The following CSMD1 variants were observed in gnomAD, a reference collection of about 807,000 sequenced individuals.
CSMD1 encodes the protein CUB and sushi domain-containing protein 1.
A neutral mutation model predicts 417.5 loss-of-function variants in CSMD1; 213 were observed. The observed-to-expected ratio is 0.51, with a 90% CI of 0.46 to 0.57. CSMD1 has a LOEUF of 0.57. Among genes scored for constraint, CSMD1 ranks in the 20% least tolerant of loss-of-function variants. The pLI, the probability that CSMD1 is intolerant of heterozygous loss-of-function variation, is 0.00. For synonymous variants in CSMD1, 2,862 were observed against 1,736.8 expected, an observed-to-expected ratio of 1.65 and a Z score of -16.11; for missense variants, 6,923 against 4,529.7, an observed-to-expected ratio of 1.53 and a Z score of -15.17.
At chr8:4,200,865 T>C (rs894696952) in intron 3 of CSMD1, among the ~76,000 whole-genome samples, 6 of 151,650 alleles carry the variant, frequency 4.0e-5, no homozygotes, top group East Asian at 3.9e-4. Flanking sequence ...CTCAAAATAA[T>C]GATGATAATA....
chr8:3,657,260 A>T (rs1227656015), intron 7 of CSMD1, among the ~76,000 whole-genome samples: 1 of 152,216 alleles, frequency 6.6e-6, no homozygotes, highest in East Asian at 1.9e-4. Context: ...GCATTTCTAT[A>T]TGCCAACAGT....
intron 10 of CSMD1, among the ~76,000 whole-genome samples, chr8:3,509,355 G>A (rs892952789): frequency 1.3e-5 from 2 of 152,126 alleles, no homozygotes; most frequent in East Asian, 3.9e-4. Flanking sequence ...CTTTAGCCAA[G>A]TCAACTTTGT....
chr8:3,757,650 G>A (rs1397233375), intron 5 of CSMD1, among the ~76,000 whole-genome samples: 2 of 151,992 alleles, frequency 1.3e-5, no homozygotes, highest in African/African-American at 2.4e-5. Flanking sequence ...ATCACCTGAG[G>A]TCAAGAGTTC....
chr8:4,180,689 AGCTC>A (rs1458264800), intron 3 of CSMD1, among the ~76,000 whole-genome samples: 2 of 152,318 alleles, frequency 1.3e-5, no homozygotes, highest in East Asian at 1.9e-4. Context: ...AAGGCAAGGT[AGCTC>A]ACTGGTTGTC....
intron 1 of CSMD1, among the ~76,000 whole-genome samples, chr8:4,844,485 C>T (rs532919046): frequency 3.9e-4 from 59 of 152,048 alleles, no homozygotes; most frequent in Non-Finnish European, 5.7e-4. Context: ...TCATAACAGC[C>T]TCAATCAGCA....
chr8:4,518,620 G>GT (rs1054827687), intron 2 of CSMD1, among the ~76,000 whole-genome samples: 2 of 132,838 alleles, frequency 1.5e-5, no homozygotes, highest in Non-Finnish European at 3.2e-5. Flanking sequence ...CTGCTGTGGG[G>GT]TGGGGGGCGG....
intron 1 of CSMD1, among the ~76,000 whole-genome samples, chr8:4,834,494 G>A (rs888737731): frequency 5.3e-5 from 8 of 152,146 alleles, no homozygotes; most frequent in Non-Finnish European, 7.3e-5. Flanking sequence ...TGAAGTTCGA[G>A]CTGAGTTGTA....
At chr8:3,862,842 C>G (rs1804810416) in intron 5 of CSMD1, among the ~76,000 whole-genome samples, 1 of 152,170 alleles carries the variant, frequency 6.6e-6, no homozygotes, top group Non-Finnish European at 1.5e-5. Context: ...GGGCAGGTGT[C>G]AAAATCTCTT....
At chr8:3,151,961 C>T (rs1483048585) in intron 39 of CSMD1, among the ~76,000 whole-genome samples, 2 of 152,192 alleles carry the variant, frequency 1.3e-5, no homozygotes, top group Non-Finnish European at 2.9e-5. Flanking sequence ...TACCATTCCC[C>T]TCTTACACAT....
intron 1 of CSMD1, chr8:4,788,667 G>C (rs1440277014): frequency 6.6e-6 from 4 of 601,968 alleles, no homozygotes; most frequent in Admixed American, 6.2e-5. Context: ...AATATGAAAA[G>C]GTAATTATAA....
chr8:4,155,126 T>G (rs911321598), intron 3 of CSMD1, among the ~76,000 whole-genome samples: 1 of 152,214 alleles, frequency 6.6e-6, no homozygotes, highest in Non-Finnish European at 1.5e-5. Context: ...GCATGCACTA[T>G]TGTTCCCATG....
chr8:4,907,367 T>C (rs919617710), intron 1 of CSMD1, among the ~76,000 whole-genome samples: 3 of 152,176 alleles, frequency 2.0e-5, no homozygotes, highest in Non-Finnish European at 2.9e-5. Flanking sequence ...GGCTCCTAAA[T>C]GAGAAGGTCC....
intron 3 of CSMD1, among the ~76,000 whole-genome samples, chr8:4,410,168 G>A (rs750246358): frequency 1.3e-5 from 2 of 152,148 alleles, no homozygotes; most frequent in Non-Finnish European, 2.9e-5. Flanking sequence ...CCAAATGGAA[G>A]GAGAAATTAA....
At chr8:3,610,621 G>C (rs1801845150) in intron 8 of CSMD1, among the ~76,000 whole-genome samples, 1 of 152,112 alleles carries the variant, frequency 6.6e-6, no homozygotes, top group South Asian at 2.1e-4. Context: ...TAAGCTACCA[G>C]TATAGATGAC....
chr8:3,869,624 G>A (rs1016138346), intron 5 of CSMD1, among the ~76,000 whole-genome samples: 20 of 152,070 alleles, frequency 1.3e-4, no homozygotes, highest in African/African-American at 4.3e-4. Context: ...CTTTCTCACC[G>A]CTGAGCTAAC....
chr8:4,021,786 G>A lies in CSMD1; in HGVS notation c.610+10119C>T, dbSNP rs528977548. Reference sequence around the variant, plus strand: ...TTTATCTTGAGTGACAAATGAAGAAGCCATTTAGTGATAAAACTAAATTAA... The same window carrying A: ...TTTATCTTGAGTGACAAATGAAGAAACCATTTAGTGATAAAACTAAATTAA... On this transcript the variant is annotated intron_variant, in intron 4 of 69. Coordinates refer to ENST00000635120, the MANE Select transcript of CSMD1 (RefSeq NM_033225.6). Among the ~76,000 whole-genome samples, 6 of 152,216 alleles carry A rather than the reference G, an allele frequency of 3.9e-5. No individual in the cohort carries two copies. In the South Asian group the frequency reaches 6.2e-4, roughly 16 times the overall value.
At chr8:3,429,123 G>C (rs1482572852) in intron 12 of CSMD1, among the ~76,000 whole-genome samples, 1 of 152,142 alleles carries the variant, frequency 6.6e-6, no homozygotes. Flanking sequence ...CTATTGTACA[G>C]AAGGGTGATT....
At chr8:4,029,283 G>C (rs1009229712) in intron 4 of CSMD1, among the ~76,000 whole-genome samples, 2 of 152,158 alleles carry the variant, frequency 1.3e-5, no homozygotes, top group Middle Eastern at 3.2e-3. Context: ...ATAATAACAA[G>C]TTGCATTAGT....
chr8:4,857,103 T>C lies in CSMD1; in HGVS notation c.85+137229A>G, dbSNP rs181099897. On this transcript the variant is annotated intron_variant, in intron 1 of 69. Coordinates refer to ENST00000635120, the MANE Select transcript of CSMD1 (RefSeq NM_033225.6). ...AGTGCAATCAAACTAGAATTCAGGA[T>C]TAAGAATCTCACTCACAACCGCTCA... Among the ~76,000 whole-genome samples, 461 of 150,518 alleles carry C rather than the reference T, an allele frequency of 3.1e-3. 6 individuals carry two copies. The highest frequency in any genetic ancestry group is 0.011 in the African/African-American group (443 of 40,898).
Sources: gnomAD v4.1 joint callset for allele counts (sites outside exome capture counted in the v4.1 genomes callset) on GRCh38, gnomAD v4.1.1 for gene constraint, MANE v1.5 for transcripts, NCBI Gene and HGNC (gene_info 2026-07-23, HGNC 2026-07-21) for gene names.